NEDD9: variants seen among roughly 807,000 people sequenced by gnomAD.
The protein encoded by NEDD9 is enhancer of filamentation 1.
Under a neutral mutation model 76.6 loss-of-function variants are expected in NEDD9, and 26 were observed. The ratio of observed to expected loss-of-function variants is 0.34; its 90% CI spans 0.25 to 0.47. NEDD9 has a LOEUF of 0.47. Among genes scored for constraint, NEDD9 ranks in the 20% least tolerant of loss-of-function variants. The probability of loss-of-function intolerance (pLI) is 1.00; values close to 1 mark genes in which losing one functional copy is unlikely to be tolerated. For missense variants in NEDD9, 937 were observed against 1,058.5 expected (o/e 0.89, Z 1.59); for synonymous variants, 392 against 414.2 (o/e 0.95, Z 0.65).
intron 3 of NEDD9, among the ~76,000 whole-genome samples, chr6:11,270,313 A>G (rs913506529): frequency 1.3e-5 from 2 of 152,066 alleles, no homozygotes; most frequent in African/African-American, 4.8e-5. Context: ...AAAGGGAGCT[A>G]GAATTACAGT....
intron 1 of NEDD9, 41 bp downstream of exon 1, chr6:11,232,463 C>G: frequency 1.2e-6 from 2 of 1,613,590 alleles, no homozygotes; most frequent in Admixed American, 1.7e-5. Context: ...GCAGGCACAG[C>G]TTTCAGCTTG....
intron 2 of NEDD9, among the ~76,000 whole-genome samples, chr6:11,197,878 G>T (rs1758328282): frequency 6.6e-6 from 1 of 152,128 alleles, no homozygotes; most frequent in Non-Finnish European, 1.5e-5. Flanking sequence ...TCTGTGTTTG[G>T]ATAGCAGAGA....
At chr6:11,302,647 C>G (rs1406208084) in intron 3 of NEDD9, among the ~76,000 whole-genome samples, 1 of 152,178 alleles carries the variant, frequency 6.6e-6, no homozygotes, top group Non-Finnish European at 1.5e-5. Context: ...TCCAGCAGCA[C>G]ATCAAAAAGC....
chr6:11,338,741 G>A (rs1044781733), intron 1 of NEDD9, among the ~76,000 whole-genome samples: 1 of 152,026 alleles, frequency 6.6e-6, no homozygotes, highest in Non-Finnish European at 1.5e-5. Flanking sequence ...GGCCAACATG[G>A]TGAAACCCCA....
chr6:11,256,552 T>A (rs547074578), intron 3 of NEDD9, among the ~76,000 whole-genome samples: 44 of 152,316 alleles, frequency 2.9e-4, no homozygotes, highest in Admixed American at 1.1e-3. Flanking sequence ...GTGTGGACCT[T>A]CCGGCTCAAG....
At position 11,190,796 on chromosome 6, in the gene NEDD9, G is replaced by C. The variant is rs758260058; in HGVS notation, c.1073C>G (p.Ser358Cys). The C allele has an allele frequency of 1.9e-6, 3 of 1,614,152 alleles. No individual in the cohort carries two copies. Among genetic ancestry groups the C allele is most frequent in the Non-Finnish European group, 1.7e-6 (2 of 1,180,024 alleles). The change falls in exon 5 of 7, where the codon TCT becomes TGT. Residue 358 changes from serine (S) to cysteine (C), a missense_variant. Coordinates refer to ENST00000379446, the MANE Select transcript of NEDD9 (RefSeq NM_006403.4). The surrounding 1 kb of genome is among the most constrained non-coding windows in gnomAD (Gnocchi z 5.8). The stretch of plus-strand genomic sequence containing the variant: ...GTTGATCCCATCCACCAAGTCCCGA[G>C]AGCCTTTAGCATCTGGCGGGTTATG... Reference protein sequence around the residue: ...PLHNPPDAKGSRDLVDGINRL... With the variant: ...PLHNPPDAKGCRDLVDGINRL...
chr6:11,353,343 C>T (rs1762505706), intron 1 of NEDD9, among the ~76,000 whole-genome samples: 1 of 152,156 alleles, frequency 6.6e-6, no homozygotes, highest in East Asian at 1.9e-4. Flanking sequence ...TACAATATGA[C>T]TGCTGTTTTT....
At position 11,246,598 on chromosome 6, in the gene NEDD9, T is replaced by C. The variant is rs150777232; in HGVS notation, c.13-32871A>G. On this transcript the variant is annotated intron_variant, in intron 3 of 3. Transcript: ENST00000397378. ...TGCCTCGAATTTTCACAGTGGCATT[T>C]GAAGCTCGAGTGTGGACTGATTTTG... 2.1e-3 allele frequency among the ~76,000 whole-genome samples: 315 copies of C among 152,308 alleles called. 4 individuals carry two copies. The highest frequency in any genetic ancestry group is 7.1e-3 in the African/African-American group (294 of 41,564).
chr6:11,248,488 G>C (rs1272660759), intron 3 of NEDD9, among the ~76,000 whole-genome samples: 3 of 152,110 alleles, frequency 2.0e-5, no homozygotes, highest in African/African-American at 7.2e-5. Flanking sequence ...TTCTCAAACT[G>C]GTTCCCCAAA....
intron 2 of NEDD9, among the ~76,000 whole-genome samples, chr6:11,209,949 A>T (rs1758724029): frequency 7.1e-6 from 1 of 140,418 alleles, no homozygotes. Context: ...AGTTGAAGTG[A>T]TAGAAGGCAG....
At chr6:11,377,524 A>G (rs1421652935) in intron 1 of NEDD9, among the ~76,000 whole-genome samples, 1 of 152,076 alleles carries the variant, frequency 6.6e-6, no homozygotes, top group Non-Finnish European at 1.5e-5. Flanking sequence ...GGGCCCCTAT[A>G]CCCTTTCTTT....
intron 3 of NEDD9, among the ~76,000 whole-genome samples, chr6:11,290,059 T>A (rs79530506): frequency 6.6e-6 from 1 of 152,096 alleles, no homozygotes; most frequent in African/African-American, 2.4e-5. Context: ...CAAAGATGCA[T>A]GCAGATTTTC....
intron 3 of NEDD9, among the ~76,000 whole-genome samples, chr6:11,256,379 C>T (rs1760005931): frequency 6.6e-6 from 1 of 152,244 alleles, no homozygotes; most frequent in South Asian, 2.1e-4. Context: ...GGAAACACTC[C>T]AGCCCACTCT....
intron 3 of NEDD9, among the ~76,000 whole-genome samples, chr6:11,271,243 C>T (rs1387676873): frequency 6.6e-6 from 1 of 152,116 alleles, no homozygotes; most frequent in Non-Finnish European, 1.5e-5. Flanking sequence ...CATTTTGTTG[C>T]CCAGGCTGGT....
chr6:11,230,963 C>A (rs546762748), intron 1 of NEDD9, among the ~76,000 whole-genome samples: 41 of 152,256 alleles, frequency 2.7e-4, no homozygotes, highest in African/African-American at 9.4e-4. Flanking sequence ...TAATTTCAGC[C>A]ATTTATACTT....
chr6:11,272,447 G>A (rs1760328934), intron 3 of NEDD9, among the ~76,000 whole-genome samples: 1 of 152,204 alleles, frequency 6.6e-6, no homozygotes, highest in Non-Finnish European at 1.5e-5. Context: ...TTTGAACGCA[G>A]CTTGGTCTAG....
At chr6:11,215,685 G>A (rs1266816895) in intron 1 of NEDD9, among the ~76,000 whole-genome samples, 2 of 152,198 alleles carry the variant, frequency 1.3e-5, no homozygotes, top group Admixed American at 1.3e-4. Context: ...GCCTCTGTCT[G>A]TCCCTTTCTT....
intron 1 of NEDD9, among the ~76,000 whole-genome samples, chr6:11,222,141 C>T (rs890488259): frequency 6.6e-6 from 1 of 152,114 alleles, no homozygotes; most frequent in Non-Finnish European, 1.5e-5. Flanking sequence ...TTTTCCATTC[C>T]TGTCTATCTT....
chr6:11,319,831 T>TACTCTC (rs112000303), intron 2 of NEDD9, among the ~76,000 whole-genome samples: 11,621 of 149,628 alleles, frequency 0.078, 579 homozygotes, highest in Admixed American at 0.16. Flanking sequence ...AACAAGCAAA[T>TACTCTC]ACACTCACGC....
Sources: allele counts gnomAD v4.1 joint callset (sites outside exome capture counted in the v4.1 genomes callset), GRCh38; gene constraint gnomAD v4.1.1; non-coding constraint Gnocchi (gnomAD v3.1); transcripts MANE v1.5; gene names NCBI Gene and HGNC (gene_info 2026-07-23, HGNC 2026-07-21).